KANTR: variants seen among roughly 807,000 people sequenced by gnomAD.
KANTR encodes the protein KANTR integral membrane protein.
At chrX:53,120,750 C>G (rs1434145811) in intron 2 of KANTR, among the ~76,000 whole-genome samples, 1 of 111,017 alleles carries the variant, frequency 9.0e-6, no homozygotes, top group Admixed American at 9.6e-5. Flanking sequence ...GAGTTCGCAT[C>G]TCGCTCAGTT....
chrX:53,146,094 ATCC>A (rs1484178333), downstream of KANTR, among the ~76,000 whole-genome samples: 2 of 112,293 alleles, frequency 1.8e-5, no homozygotes, highest in Non-Finnish European at 3.8e-5. Flanking sequence ...CAGAGTGCCT[ATCC>A]TCCTCCAAAG....
downstream of KANTR, among the ~76,000 whole-genome samples, chrX:53,145,749 C>T (rs1442066864): frequency 1.8e-5 from 2 of 112,291 alleles, no homozygotes; most frequent in Non-Finnish European, 1.9e-5. Flanking sequence ...AGGCACCCCC[C>T]AGTAGGGGCA....
intron 1 of KANTR, among the ~76,000 whole-genome samples, chrX:53,095,276 C>G (rs1212663152): frequency 8.9e-6 from 1 of 111,864 alleles, no homozygotes. Context: ...CTCCATACAG[C>G]CCTGGACATC....
At chrX:53,136,750 T>C (rs1313025725) in intron 2 of KANTR, among the ~76,000 whole-genome samples, 1 of 59,710 alleles carries the variant, frequency 1.7e-5, no homozygotes, top group African/African-American at 4.8e-5. Flanking sequence ...TTTGTTTGTT[T>C]GTTTGTCTTT....
At chrX:53,143,666 C>G, downstream of KANTR, 1 of 733,969 alleles carries the variant, frequency 1.4e-6, no homozygotes, top group Non-Finnish European at 2.2e-6. Flanking sequence ...CAGATCTTCT[C>G]CATGTCATCC....
intron 1 of KANTR, among the ~76,000 whole-genome samples, chrX:53,095,320 C>A (rs1932838554): frequency 8.9e-6 from 1 of 111,851 alleles, no homozygotes; most frequent in African/African-American, 3.2e-5. Flanking sequence ...ATCCTTTGAC[C>A]AGGCCTTAAG....
At chrX:53,105,610 C>T (rs1168766325) in intron 2 of KANTR, among the ~76,000 whole-genome samples, 2 of 107,629 alleles carry the variant, frequency 1.9e-5, no homozygotes, top group South Asian at 4.1e-4. Context: ...CTGCCTCAGC[C>T]TCCTGAATAG....
intron 2 of KANTR, among the ~76,000 whole-genome samples, chrX:53,111,809 G>T (rs1933046260): frequency 9.0e-6 from 1 of 111,263 alleles, no homozygotes; most frequent in Non-Finnish European, 1.9e-5. Flanking sequence ...GCTTCAGGCT[G>T]CTAAAAACTT....
At chrX:53,120,847 A>G (rs1933207530) in intron 2 of KANTR, among the ~76,000 whole-genome samples, 1 of 108,088 alleles carries the variant, frequency 9.3e-6, no homozygotes, top group South Asian at 4.0e-4. Flanking sequence ...CAGCCTTCCC[A>G]GTAGCTGGGA....
At chrX:53,096,817 C>G (rs1932848162) in intron 1 of KANTR, among the ~76,000 whole-genome samples, 1 of 103,297 alleles carries the variant, frequency 9.7e-6, no homozygotes, top group Non-Finnish European at 2.0e-5. Flanking sequence ...CAGCGAGACC[C>G]TGTCTCAAAA....
intron 1 of KANTR, among the ~76,000 whole-genome samples, chrX:53,096,623 C>G (rs1432842361): frequency 9.0e-6 from 1 of 110,811 alleles, no homozygotes; most frequent in Admixed American, 9.6e-5. Context: ...TCCAGGAGTT[C>G]GAGACCAGCC....
chrX:53,098,983 C>T (rs1288864573), intron 1 of KANTR, among the ~76,000 whole-genome samples: 6 of 111,144 alleles, frequency 5.4e-5, no homozygotes, highest in South Asian at 3.8e-4. Flanking sequence ...CCTCAGCCTC[C>T]GGAGTAGCTG....
In KANTR at chrX:53,142,287, A is replaced by T. The variant is rs782467632; in HGVS notation, n.643A>T. On this transcript the variant is annotated non_coding_transcript_exon_variant, in exon 3 of 3. Transcript: ENST00000366185. The stretch of plus-strand genomic sequence containing the variant: ...CTACAATCCAGTGCTGATATCAGAT[A>T]CAAGCTTCAAGGACAACTTTCTGTG... 59 of 132,524 alleles carry T rather than the reference A, an allele frequency of 4.5e-4. No individual in the cohort carries two copies. In the South Asian group the frequency reaches 0.014, roughly 31 times the overall value. The allele number at this position is 132,524 out of a possible 1,213,427, so 10.9% of individuals were successfully genotyped here.
intron 2 of KANTR, among the ~76,000 whole-genome samples, chrX:53,136,979 A>G (rs1489813551): frequency 3.8e-5 from 4 of 106,441 alleles, no homozygotes; most frequent in Admixed American, 1.0e-4. Flanking sequence ...GGCTCCAGCA[A>G]TCCTCCTGCT....
intron 2 of KANTR, among the ~76,000 whole-genome samples, chrX:53,121,059 C>T (rs893542904): frequency 9.1e-6 from 1 of 110,362 alleles, no homozygotes; most frequent in Non-Finnish European, 1.9e-5. Context: ...AGTGCAGTGG[C>T]GCCATCTCGG....
intron 2 of KANTR, among the ~76,000 whole-genome samples, chrX:53,114,092 G>A (rs1933087384): frequency 2.7e-5 from 3 of 110,274 alleles, no homozygotes; most frequent in Admixed American, 1.9e-4. Flanking sequence ...GTAGAGACGG[G>A]GTTTCGCCAT....
At chrX:53,099,804 A>G (rs781982645) in intron 2 of KANTR, among the ~76,000 whole-genome samples, 196 bp downstream of exon 2, 1 of 112,335 alleles carries the variant, frequency 8.9e-6, no homozygotes, top group East Asian at 2.8e-4. Flanking sequence ...CTCCTTGTAC[A>G]TCTCCATCAG....
chrX:53,131,971 C>T (rs1352883218), downstream of KANTR, among the ~76,000 whole-genome samples: 6 of 112,038 alleles, frequency 5.4e-5, no homozygotes, highest in Non-Finnish European at 9.4e-5. Context: ...AGTTGTATAT[C>T]TATATACTAG....
intron 2 of KANTR, among the ~76,000 whole-genome samples, chrX:53,135,828 A>G (rs1933413772): frequency 8.9e-6 from 1 of 111,833 alleles, no homozygotes; most frequent in South Asian, 3.7e-4. Flanking sequence ...GGATGCTCCC[A>G]TTAAAATCAA....
Sources: gnomAD v4.1 joint callset for allele counts (sites outside exome capture counted in the v4.1 genomes callset) on GRCh38, gnomAD v4.1.1 for gene constraint, MANE v1.5 for transcripts, NCBI Gene and HGNC (gene_info 2026-07-23, HGNC 2026-07-21) for gene names.